Variants in SHISA9 observed in about 807,000 individuals in gnomAD.
The protein encoded by SHISA9 is shisa family member 9.
A neutral mutation model predicts 38.0 loss-of-function variants in SHISA9; 13 were observed. The ratio of observed to expected loss-of-function variants is 0.34; its 90% CI spans 0.22 to 0.54. SHISA9 has a LOEUF of 0.54. SHISA9 is among the 20% of genes least tolerant of loss of function. The pLI, the probability that SHISA9 is intolerant of heterozygous loss-of-function variation, is 0.91. For synonymous variants in SHISA9, 275 were observed against 242.0 expected (o/e 1.14, Z -1.27); for missense variants, 538 against 575.8 (o/e 0.93, Z 0.67).
chr16:13,461,252 C>A, the SHISA9 span, among the ~76,000 whole-genome samples: 2 of 152,166 alleles, frequency 1.3e-5, no homozygotes, highest in Admixed American at 1.3e-4. Context: ...ACCCAAGACA[C>A]CTAGCCCTTC....
At chr16:13,541,768 G>C in the SHISA9 span, among the ~76,000 whole-genome samples, 1 of 152,138 alleles carries the variant, frequency 6.6e-6, no homozygotes, top group Non-Finnish European at 1.5e-5. Flanking sequence ...AAAAGAGTGA[G>C]TATGATTCAT....
intron 2 of SHISA9, among the ~76,000 whole-genome samples, chr16:13,125,671 G>C (rs985450870): frequency 6.6e-6 from 1 of 152,054 alleles, no homozygotes; most frequent in African/African-American, 2.4e-5. Context: ...TAGAGTTGGT[G>C]TTTCTCATTC....
intron 2 of SHISA9, among the ~76,000 whole-genome samples, chr16:13,119,674 C>G (rs1043578754): frequency 4.6e-5 from 7 of 152,144 alleles, no homozygotes; most frequent in Non-Finnish European, 8.8e-5. Context: ...AGTTTATTTG[C>G]TGTTTTCTTC....
chr16:12,908,479 G>T (rs1231072530), intron 1 of SHISA9: 2 of 1,552,216 alleles, frequency 1.3e-6, no homozygotes, highest in Non-Finnish European at 1.7e-6. Context: ...CATGAGGTAG[G>T]CTCTATGACA....
At chr16:12,912,997 C>A (rs1274180819) in intron 1 of SHISA9, among the ~76,000 whole-genome samples, 1 of 152,102 alleles carries the variant, frequency 6.6e-6, no homozygotes, top group Non-Finnish European at 1.5e-5. Context: ...TCTCCAGTGT[C>A]ACCCCCTCAC....
intron 2 of SHISA9, among the ~76,000 whole-genome samples, chr16:12,929,136 A>G (rs924135961): frequency 1.3e-5 from 2 of 152,212 alleles, no homozygotes; most frequent in African/African-American, 4.8e-5. Context: ...AAGTCAAAGA[A>G]TAACAGATGC....
chr16:13,063,967 G>A (rs1294900006), intron 2 of SHISA9, among the ~76,000 whole-genome samples: 2 of 152,232 alleles, frequency 1.3e-5, no homozygotes, highest in African/African-American at 2.4e-5. Flanking sequence ...ATAATTTTAA[G>A]GCTTCCAGGC....
intron 2 of SHISA9, among the ~76,000 whole-genome samples, chr16:12,988,810 C>T (rs2042150530): frequency 6.6e-6 from 1 of 151,996 alleles, no homozygotes; most frequent in East Asian, 1.9e-4. Context: ...CAGGTGTGAG[C>T]CCCTGTGCCC....
At chr16:13,245,613 TAGA>T in the SHISA9 span, among the ~76,000 whole-genome samples, 1 of 152,208 alleles carries the variant, frequency 6.6e-6, no homozygotes, top group African/African-American at 2.4e-5. Flanking sequence ...TCGCCACTCA[TAGA>T]AGAAGAAACA....
rs1171012582 is a variant in SHISA9, at chr16:13,236,091, A to T, written c.*682A>T. ...AAACAACACACCCTCAAACTCACAG[A>T]AAGTAAATAGACCCTGAACCCACCG... On this transcript the variant is annotated 3_prime_UTR_variant, in exon 5 of 5. Transcript: ENST00000558583. 1 of 152,252 alleles carries T rather than the reference A, an allele frequency of 6.6e-6. No individual in the cohort carries two copies. Among genetic ancestry groups the T allele is most frequent in the Admixed American group, 6.5e-5 (1 of 15,268 alleles). The allele number at this position is 152,252 out of a possible 1,614,324, so 9.4% of individuals were successfully genotyped here. A position where few individuals can be genotyped will look rare whatever the true frequency, so the allele number is the denominator to read the frequency against.
chr16:13,244,059 C>A (rs187282891), downstream of SHISA9, among the ~76,000 whole-genome samples: 1 of 152,264 alleles, frequency 6.6e-6, no homozygotes, highest in Non-Finnish European at 1.5e-5. Flanking sequence ...GCCTGAGCCA[C>A]CATGGCTTTC....
chr16:13,199,078 T>C (rs1338104876), intron 2 of SHISA9, among the ~76,000 whole-genome samples: 1 of 152,206 alleles, frequency 6.6e-6, no homozygotes. Flanking sequence ...GTAGAATTAT[T>C]TTTTTTCTTT....
At chr16:13,222,253 G>A (rs554979702) in intron 4 of SHISA9, among the ~76,000 whole-genome samples, 19 of 152,180 alleles carry the variant, frequency 1.2e-4, no homozygotes, top group African/African-American at 4.6e-4. Context: ...GATTTGGGTG[G>A]GGATACAGCC....
intron 1 of SHISA9, among the ~76,000 whole-genome samples, chr16:12,908,055 A>G (rs1220754926): frequency 6.6e-6 from 1 of 152,184 alleles, no homozygotes; most frequent in Non-Finnish European, 1.5e-5. Context: ...CACCTCTCTG[A>G]GTCTCAGGCT....
At chr16:12,992,561 C>A (rs994546363) in intron 2 of SHISA9, among the ~76,000 whole-genome samples, 2 of 151,346 alleles carry the variant, frequency 1.3e-5, no homozygotes, top group African/African-American at 4.9e-5. Flanking sequence ...AAACAAAAAA[C>A]CCAAAACAAA....
chr16:13,535,435 T>C, the SHISA9 span, among the ~76,000 whole-genome samples: 1 of 152,316 alleles, frequency 6.6e-6, no homozygotes, highest in South Asian at 2.1e-4. Context: ...CCCTTCATTA[T>C]AACTCTTATA....
At chr16:13,277,658 G>GT in the SHISA9 span, among the ~76,000 whole-genome samples, 58 of 149,338 alleles carry the variant, frequency 3.9e-4, no homozygotes, top group Admixed American at 4.7e-4. Flanking sequence ...ATATTCCTAA[G>GT]TTTTTTTTTT....
At chr16:13,329,288 C>T in the SHISA9 span, among the ~76,000 whole-genome samples, 1 of 152,082 alleles carries the variant, frequency 6.6e-6, no homozygotes, top group African/African-American at 2.4e-5. Flanking sequence ...AGCTGTTCTC[C>T]TTTCTCTTTC....
At chr16:13,036,708 A>T (rs6498377) in intron 2 of SHISA9, among the ~76,000 whole-genome samples, 1 of 151,270 alleles carries the variant, frequency 6.6e-6, no homozygotes, top group African/African-American at 2.4e-5. Context: ...GGAGAATGAT[A>T]TATGGGTTGA....
Sources: gnomAD v4.1 joint callset for allele counts (sites outside exome capture counted in the v4.1 genomes callset) on GRCh38, gnomAD v4.1.1 for gene constraint, MANE v1.5 for transcripts, NCBI Gene and HGNC (gene_info 2026-07-23, HGNC 2026-07-21) for gene names.